The following TMEM71 variants were observed in gnomAD, a reference collection of about 807,000 sequenced individuals.
TMEM71 encodes the protein transmembrane protein 71.
In TMEM71, 44 loss-of-function variants were observed where a neutral mutation model predicts 38.0. That is an observed-to-expected ratio of 1.16 (90% CI 0.91 to 1.49). TMEM71 has a LOEUF of 1.49. Among genes scored for constraint, TMEM71 ranks in the 40% most tolerant of loss-of-function variants. The pLI is 0.00. For missense variants in TMEM71, 367 were observed against 348.6 expected (o/e 1.05, Z -0.42); for synonymous variants, 133 against 122.5 (o/e 1.09, Z -0.56).
the TMEM71 span, among the ~76,000 whole-genome samples, chr8:132,770,463 C>T: frequency 3.9e-5 from 6 of 152,120 alleles, no homozygotes; most frequent in Non-Finnish European, 2.9e-5. Flanking sequence ...CCATGGCCAC[C>T]ATACTTGGTT....
chr8:132,770,932 C>T, the TMEM71 span, among the ~76,000 whole-genome samples: 1 of 152,132 alleles, frequency 6.6e-6, no homozygotes, highest in Non-Finnish European at 1.5e-5. Context: ...GCCCCTGAGC[C>T]ATATGCACAT....
intron 3 of TMEM71, among the ~76,000 whole-genome samples, chr8:132,754,735 A>T (rs2247136): frequency 0.68 from 103,043 of 152,090 alleles, 35,782 homozygotes; most frequent in South Asian, 0.78. Flanking sequence ...TGTTACACAA[A>T]ACTTTTAATA....
chr8:132,743,153 T>C (rs541627172), intron 5 of TMEM71, among the ~76,000 whole-genome samples: 61 of 147,918 alleles, frequency 4.1e-4, no homozygotes, highest in Non-Finnish European at 7.6e-4. Context: ...CATGCTCAAA[T>C]TTCCCCTCTT....
At position 132,746,981 on chromosome 8, in the gene TMEM71, C is replaced by T. The variant is rs1218064578; in HGVS notation, c.448G>A (p.Gly150Arg). The stretch of plus-strand genomic sequence containing the variant: ...TGGTCTGTGTCCAACCTCCTGGTCC[C>T]CTTCAACCAGTTGTCTTCACTTGGA... Reference protein sequence around the residue: ...SSPSEDNWLKGTRRLDTDHCN... With the variant: ...SSPSEDNWLKRTRRLDTDHCN... The change falls in exon 5 of 10, where the codon GGG becomes AGG. Residue 150 changes from glycine (G) to arginine (R), a missense_variant. Coordinates refer to ENST00000677595, the MANE Select transcript of TMEM71 (RefSeq NM_001382403.1). The T allele has an allele frequency of 1.2e-6, 2 of 1,612,966 alleles. No homozygotes were observed. Among genetic ancestry groups the T allele is most frequent in the Admixed American group, 1.7e-5 (1 of 59,662 alleles).
At chr8:132,759,732 G>A (rs975520871) in intron 1 of TMEM71, among the ~76,000 whole-genome samples, 14 of 152,226 alleles carry the variant, frequency 9.2e-5, no homozygotes, top group African/African-American at 3.4e-4. Flanking sequence ...ATGAGAACTA[G>A]TAATGGATTG....
chr8:132,735,543 G>A (rs967889403), intron 5 of TMEM71, among the ~76,000 whole-genome samples: 1 of 152,152 alleles, frequency 6.6e-6, no homozygotes, highest in Non-Finnish European at 1.5e-5. Flanking sequence ...AGTTCTGTGT[G>A]CGCCCAGGTT....
In TMEM71 at chr8:132,736,915, T is replaced by C. The variant is rs1371185819; in HGVS notation, c.488-8929A>G. Among the ~76,000 whole-genome samples the C allele has an allele frequency of 2.6e-5, 4 of 152,160 alleles. No individual in the cohort carries two copies. The East Asian group carries it at 5.8e-4, about 22-fold the overall frequency. On this transcript the variant is annotated intron_variant, in intron 5 of 9. Coordinates refer to ENST00000677595, the MANE Select transcript of TMEM71 (RefSeq NM_001382403.1). ...AATGGTAAGTATACGAGGTGATGGA[T>C]ATGTTAATTAACTTGATTTCCCCAT...
At chr8:132,727,288 G>A (rs570236289) in intron 6 of TMEM71, among the ~76,000 whole-genome samples, 10 of 144,086 alleles carry the variant, frequency 6.9e-5, no homozygotes, top group East Asian at 6.2e-4. Context: ...ATGGAGTCTC[G>A]CTCTGTCACC....
chr8:132,756,411 T>TA (rs1554619985), intron 3 of TMEM71, among the ~76,000 whole-genome samples: 16 of 115,836 alleles, frequency 1.4e-4, no homozygotes, highest in Middle Eastern at 4.2e-3. Context: ...AACATATATA[T>TA]TATATATATA....
chr8:132,715,409 C>CAA (rs975995287), intron 7 of TMEM71, among the ~76,000 whole-genome samples: 463 of 21,520 alleles, frequency 0.022, 103 homozygotes, highest in African/African-American at 0.052. Context: ...GACTCCGTCT[C>CAA]AAAAAAAAAA....
At chr8:132,718,453 A>G (rs563249472) in intron 7 of TMEM71, among the ~76,000 whole-genome samples, 1 of 134,748 alleles carries the variant, frequency 7.4e-6, no homozygotes, top group African/African-American at 2.9e-5. Context: ...CCTGGAGTGC[A>G]GTGGCACAAT....
chr8:132,762,050 G>T (rs551148176), upstream of TMEM71, among the ~76,000 whole-genome samples: 2 of 152,166 alleles, frequency 1.3e-5, no homozygotes, highest in Non-Finnish European at 2.9e-5. Context: ...CACGCAAACT[G>T]GGAAGTGACA....
intron 5 of TMEM71, among the ~76,000 whole-genome samples, chr8:132,745,323 T>C (rs940478908): frequency 6.6e-6 from 1 of 152,052 alleles, no homozygotes; most frequent in Non-Finnish European, 1.5e-5. Context: ...TTTAAACAAT[T>C]GAATAAGCAA....
chr8:132,766,083 C>T, the TMEM71 span, among the ~76,000 whole-genome samples: 2 of 152,098 alleles, frequency 1.3e-5, no homozygotes, highest in Non-Finnish European at 2.9e-5. Context: ...CGCACCCTGC[C>T]GAATCTAACA....
intron 7 of TMEM71, among the ~76,000 whole-genome samples, chr8:132,719,190 C>T (rs934640749): frequency 6.6e-6 from 1 of 152,148 alleles, no homozygotes; most frequent in African/African-American, 2.4e-5. Flanking sequence ...TCAGTATATA[C>T]CCTCGGAATT....
downstream of TMEM71, among the ~76,000 whole-genome samples, chr8:132,708,500 A>T (rs929992553): frequency 3.9e-5 from 6 of 152,212 alleles, no homozygotes; most frequent in African/African-American, 1.4e-4. Context: ...GCAGCTTAGA[A>T]CACACATTAA....
chr8:132,731,351 A>T (rs1033705437), intron 5 of TMEM71, among the ~76,000 whole-genome samples: 2 of 152,154 alleles, frequency 1.3e-5, no homozygotes, highest in Admixed American at 1.3e-4. Flanking sequence ...TTCAAGGTGG[A>T]AGTGATTTTT....
the TMEM71 span, among the ~76,000 whole-genome samples, chr8:132,766,580 A>G: frequency 6.6e-6 from 1 of 152,142 alleles, no homozygotes; most frequent in Admixed American, 6.5e-5. Context: ...TAGGCGGATC[A>G]CTTAAGCTCA....
Position 132,727,815 on chromosome 8 carries a change from T to C in TMEM71, c.659A>G (p.Asn220Ser). 1 of 1,611,872 alleles carries C rather than the reference T, an allele frequency of 6.2e-7. No homozygotes were observed. The change falls in exon 6 of 10, where the codon AAT becomes AGT. Residue 220 changes from asparagine (N) to serine (S), a missense_variant. Coordinates refer to ENST00000677595, the MANE Select transcript of TMEM71 (RefSeq NM_001382403.1). ...QLTASERFQENSSDHSETRLL... is the reference protein window; with the variant it reads ...QLTASERFQESSSDHSETRLL... ...GAACTCACCTGAATGATCCGAACTATTCTCTTGGAAACGTTCAGAAGCTGT... is the reference window on the plus strand; with the variant it reads ...GAACTCACCTGAATGATCCGAACTACTCTCTTGGAAACGTTCAGAAGCTGT...
Sources: gnomAD v4.1 joint callset for allele counts (sites outside exome capture counted in the v4.1 genomes callset) on GRCh38, gnomAD v4.1.1 for gene constraint, MANE v1.5 for transcripts, NCBI Gene and HGNC (gene_info 2026-07-23, HGNC 2026-07-21) for gene names.